The following TDRD3 variants were observed in gnomAD, a reference collection of about 807,000 sequenced individuals.
TDRD3 encodes the protein tudor domain-containing protein 3.
A neutral mutation model predicts 86.7 loss-of-function variants in TDRD3; 45 were observed. The observed-to-expected ratio is 0.52, with a 90% confidence interval of 0.41 to 0.67. The LOEUF (loss-of-function observed/expected upper bound fraction) is 0.67, where lower values mean the gene tolerates loss of function less well. Ranked by LOEUF, TDRD3 falls within the 30% of genes least tolerant of loss-of-function variation. The pLI is 0.00. For missense variants in TDRD3, 814 were observed against 889.0 expected (o/e 0.92, Z 1.07); for synonymous variants, 298 against 301.7 (o/e 0.99, Z 0.13).
chr13:60,425,702 G>C (rs987886762), intron 1 of TDRD3, among the ~76,000 whole-genome samples: 1 of 151,904 alleles, frequency 6.6e-6, no homozygotes, highest in Non-Finnish European at 1.5e-5. Context: ...TCACTTATAC[G>C]TGGATTTTCT....
chr13:60,457,468 C>T (rs547025235), intron 3 of TDRD3, among the ~76,000 whole-genome samples: 121 of 152,304 alleles, frequency 7.9e-4, no homozygotes, highest in Non-Finnish European at 6.5e-4. Flanking sequence ...AGTGCCAATC[C>T]GGTGAGGAGG....
intron 8 of TDRD3, among the ~76,000 whole-genome samples, chr13:60,502,644 ATCT>A (rs1297842578): frequency 6.6e-6 from 1 of 152,054 alleles, no homozygotes; most frequent in Non-Finnish European, 1.5e-5. Context: ...GAGTTGGGTG[ATCT>A]TCTCCTCTAA....
intron 12 of TDRD3, among the ~76,000 whole-genome samples, chr13:60,551,936 T>G (rs1958065494): frequency 6.6e-6 from 1 of 152,164 alleles, no homozygotes; most frequent in South Asian, 2.1e-4. Context: ...GTCCCCATGA[T>G]TCAGTCATGT....
At chr13:60,529,995 A>G (rs1957542138) in intron 11 of TDRD3, among the ~76,000 whole-genome samples, 1 of 152,170 alleles carries the variant, frequency 6.6e-6, no homozygotes, top group South Asian at 2.1e-4. Flanking sequence ...CTCTTCTATC[A>G]GCTACTCTTC....
At chr13:60,411,703 C>T (rs1014369601) in intron 1 of TDRD3, among the ~76,000 whole-genome samples, 1 of 151,936 alleles carries the variant, frequency 6.6e-6, no homozygotes, top group Non-Finnish European at 1.5e-5. Context: ...CTTTGATGTC[C>T]CCTCACCCCT....
intron 10 of TDRD3, among the ~76,000 whole-genome samples, chr13:60,514,966 C>CA (rs1391035375): frequency 2.6e-5 from 4 of 152,146 alleles, no homozygotes; most frequent in Non-Finnish European, 5.9e-5. Flanking sequence ...TAAAATACCT[C>CA]ATTCAGAAAA....
intron 1 of TDRD3, among the ~76,000 whole-genome samples, chr13:60,421,068 C>A (rs1344955436): frequency 1.3e-5 from 2 of 152,146 alleles, no homozygotes; most frequent in African/African-American, 4.8e-5. Flanking sequence ...GTACTGATAA[C>A]AATTAGTGTG....
chr13:60,565,488 C>T (rs928632031), intron 12 of TDRD3, among the ~76,000 whole-genome samples: 3 of 152,116 alleles, frequency 2.0e-5, no homozygotes, highest in Admixed American at 6.5e-5. Context: ...CTGGTTAGTT[C>T]AGTTCGTGAA....
intron 8 of TDRD3, among the ~76,000 whole-genome samples, chr13:60,501,757 A>G (rs1374312948): frequency 6.6e-6 from 1 of 152,216 alleles, no homozygotes; most frequent in African/African-American, 2.4e-5. Flanking sequence ...TCTCTTTAGG[A>G]CAAGTACTTA....
chr13:60,407,092 T>C (rs1438811121), intron 1 of TDRD3, among the ~76,000 whole-genome samples: 2 of 152,170 alleles, frequency 1.3e-5, no homozygotes, highest in Non-Finnish European at 2.9e-5. Flanking sequence ...TATAATGAAT[T>C]TGGAATTGAC....
chr13:60,568,645 A>C (rs1028607555), intron 13 of TDRD3, among the ~76,000 whole-genome samples: 4 of 152,226 alleles, frequency 2.6e-5, no homozygotes, highest in Non-Finnish European at 5.9e-5. Flanking sequence ...TGAACAGGGG[A>C]AAAACTGCAA....
In TDRD3 at chr13:60,441,729, A is replaced by G. The variant is rs143438543; in HGVS notation, c.126+1957A>G. 7.5e-4 allele frequency among the ~76,000 whole-genome samples: 114 copies of G among 152,322 alleles called. 1 individual carries two copies. In the East Asian group the frequency reaches 0.019, roughly 25 times the overall value. ...TAATTATATATTGGGAGGATAATCC[A>G]TGAACAAGTTTTCTTCTCTTCTTTC... On this transcript the variant is annotated intron_variant, in intron 2 of 13. Transcript: ENST00000377881.
chr13:60,420,452 AGG>A, intron 1 of TDRD3, among the ~76,000 whole-genome samples: 1 of 151,992 alleles, frequency 6.6e-6, no homozygotes, highest in Admixed American at 6.6e-5. Context: ...AAGTTTGTGA[AGG>A]TACTTTCTTA....
chr13:60,509,987 G>A (rs1595045929), intron 9 of TDRD3, 68 bp downstream of exon 9: 1 of 1,534,682 alleles, frequency 6.5e-7, no homozygotes, highest in Non-Finnish European at 8.8e-7. Flanking sequence ...GTTATTGACA[G>A]AGGCTGTTAT....
intron 1 of TDRD3, among the ~76,000 whole-genome samples, chr13:60,412,183 G>A (rs1954383697): frequency 6.6e-6 from 1 of 152,210 alleles, no homozygotes; most frequent in Non-Finnish European, 1.5e-5. Context: ...TCATGTGACA[G>A]TAACAGAGTT....
chr13:60,415,265 T>C (rs1460029546), intron 1 of TDRD3, among the ~76,000 whole-genome samples: 2 of 152,110 alleles, frequency 1.3e-5, no homozygotes, highest in Non-Finnish European at 2.9e-5. Flanking sequence ...GTTCTGAAAC[T>C]TTGAGAATTA....
intron 8 of TDRD3, among the ~76,000 whole-genome samples, chr13:60,499,253 A>C (rs1247578798): frequency 6.6e-6 from 1 of 152,238 alleles, no homozygotes; most frequent in Non-Finnish European, 1.5e-5. Context: ...CAGAAGACAG[A>C]TGGATCTTGG....
intron 10 of TDRD3, among the ~76,000 whole-genome samples, chr13:60,526,530 C>G (rs950369282): frequency 6.6e-6 from 1 of 151,698 alleles, no homozygotes; most frequent in Non-Finnish European, 1.5e-5. Flanking sequence ...CATTTTTCTT[C>G]TCTCTAAAGA....
chr13:60,452,191 T>C (rs1052861767), intron 3 of TDRD3, among the ~76,000 whole-genome samples: 1 of 152,190 alleles, frequency 6.6e-6, no homozygotes, highest in African/African-American at 2.4e-5. Context: ...CCTTTATTTT[T>C]CCCATAAAGT....
Sources: allele counts gnomAD v4.1 joint callset (sites outside exome capture counted in the v4.1 genomes callset), GRCh38; gene constraint gnomAD v4.1.1; transcripts MANE v1.5; gene names NCBI Gene and HGNC (gene_info 2026-07-23, HGNC 2026-07-21).